EDA: variants seen among roughly 807,000 people sequenced by gnomAD.
EDA encodes ectodysplasin A.
EDA carries 2 observed loss-of-function variants against 23.6 expected under a neutral mutation model. The observed-to-expected ratio is 0.08, with a 90% CI of 0.03 to 0.27. The LOEUF (loss-of-function observed/expected upper bound fraction) is 0.27, where lower values mean the gene tolerates loss of function less well. Among genes scored for constraint, EDA ranks in the 10% least tolerant of loss-of-function variants. The pLI is 1.00. For missense variants in EDA, 229 were observed against 324.2 expected (o/e 0.71, Z 2.26); for synonymous variants, 131 against 132.0 (o/e 0.99, Z 0.05).
chrX:69,932,948 T>C (rs2018620043), intron 1 of EDA, among the ~76,000 whole-genome samples: 1 of 111,190 alleles, frequency 9.0e-6, no homozygotes, highest in African/African-American at 3.3e-5. Flanking sequence ...TCTTTTTTTT[T>C]TTGAGGAATA....
intron 2 of EDA, among the ~76,000 whole-genome samples, chrX:69,967,419 G>T (rs911852995): frequency 5.3e-4 from 59 of 111,542 alleles, no homozygotes; most frequent in Admixed American, 9.6e-4. Context: ...TAATGATCGG[G>T]GAAGAAGATG....
intron 1 of EDA, among the ~76,000 whole-genome samples, chrX:69,762,129 T>G: frequency 8.9e-6 from 1 of 111,753 alleles, no homozygotes; most frequent in East Asian, 2.8e-4. Flanking sequence ...TGGCCAATAC[T>G]TTTTAAAAAT....
intron 1 of EDA, among the ~76,000 whole-genome samples, chrX:69,753,847 T>G: frequency 9.0e-6 from 1 of 111,314 alleles, no homozygotes; most frequent in Non-Finnish European, 1.9e-5. Flanking sequence ...TTTGTCTTTT[T>G]TCATCTTTGT....
At chrX:69,851,911 T>G (rs2017144480) in intron 1 of EDA, among the ~76,000 whole-genome samples, 1 of 111,909 alleles carries the variant, frequency 8.9e-6, no homozygotes, top group South Asian at 3.7e-4. Flanking sequence ...GAAGTCAAGA[T>G]GATTCTGATG....
At chrX:69,786,257 A>C (rs1047140193) in intron 1 of EDA, among the ~76,000 whole-genome samples, 4 of 111,063 alleles carry the variant, frequency 3.6e-5, no homozygotes, top group Non-Finnish European at 7.6e-5. Context: ...GGATTCATTA[A>C]GTTTTTGAAG....
intron 1 of EDA, among the ~76,000 whole-genome samples, chrX:69,790,384 ATG>A (rs2015369544): frequency 9.1e-6 from 1 of 109,922 alleles, no homozygotes; most frequent in Non-Finnish European, 1.9e-5. Context: ...AAGAGAAAGA[ATG>A]TGTTCAGATA....
At chrX:69,814,319 T>A (rs1454231790) in intron 1 of EDA, among the ~76,000 whole-genome samples, 1 of 112,792 alleles carries the variant, frequency 8.9e-6, no homozygotes, top group Non-Finnish European at 1.9e-5. Context: ...CAGGGACTAT[T>A]TCCATTTAAA....
intron 1 of EDA, among the ~76,000 whole-genome samples, chrX:69,789,551 C>G (rs142101061): frequency 8.9e-6 from 1 of 111,936 alleles, no homozygotes; most frequent in Admixed American, 9.5e-5. Flanking sequence ...AAACCTTTGT[C>G]AAAGCAATTT....
intron 2 of EDA, among the ~76,000 whole-genome samples, chrX:69,962,400 A>G (rs758175999): frequency 8.9e-6 from 1 of 112,257 alleles, no homozygotes; most frequent in Non-Finnish European, 1.9e-5. Context: ...TGTGTTTATC[A>G]AAAGTGTTAA....
intron 1 of EDA, among the ~76,000 whole-genome samples, chrX:69,664,557 T>G (rs1203022255): frequency 4.5e-5 from 5 of 112,288 alleles, no homozygotes; most frequent in African/African-American, 6.5e-5. Flanking sequence ...TCATGCAATA[T>G]TTTTCTTTCT....
At chrX:69,679,391 G>A (rs979532459) in intron 1 of EDA, among the ~76,000 whole-genome samples, 2 of 110,792 alleles carry the variant, frequency 1.8e-5, no homozygotes, top group Non-Finnish European at 3.8e-5. Context: ...AGTTTCAGAA[G>A]GAATGGTACG....
chrX:69,955,938 C>A (rs187491257), intron 1 of EDA, among the ~76,000 whole-genome samples: 1 of 112,072 alleles, frequency 8.9e-6, no homozygotes, highest in East Asian at 2.8e-4. Context: ...TGATTCAATT[C>A]AGCAAATATA....
At chrX:69,807,219 C>T (rs1325475834) in intron 1 of EDA, among the ~76,000 whole-genome samples, 1 of 108,439 alleles carries the variant, frequency 9.2e-6, no homozygotes, top group East Asian at 2.9e-4. Context: ...TAAGAGGATT[C>T]AATTCACTAA....
In EDA at chrX:69,849,082, TACACACACACACACACAC is replaced by T. The variant is rs370800783; in HGVS notation, c.397-107911_397-107894del. Reference sequence around the variant, plus strand: ...TAATATAATGCACACAAAGTCTATATACACACACACACACACACACACACACACACACACACACACACA... The same window carrying T: ...TAATATAATGCACACAAAGTCTATATACACACACACACACACACACACACA... On this transcript the variant is annotated intron_variant, in intron 1 of 7. Coordinates refer to ENST00000374552, the MANE Select transcript of EDA (RefSeq NM_001399.5). 4.4e-4 allele frequency among the ~76,000 whole-genome samples: 25 copies of T among 57,030 alleles called. No individual in the cohort carries two copies. The South Asian group carries it at 4.4e-3, about 10-fold the overall frequency. The allele number at this position is 57,030 out of a possible 115,157, so 49.5% of individuals were successfully genotyped here. A position where few individuals can be genotyped will look rare whatever the true frequency, so the allele number is the denominator to read the frequency against.
chrX:69,977,863 C>A (rs2019339265), intron 2 of EDA, among the ~76,000 whole-genome samples: 1 of 111,629 alleles, frequency 9.0e-6, no homozygotes, highest in Non-Finnish European at 1.9e-5. Flanking sequence ...GTTTTTTGGG[C>A]AGAGGAAGGA....
chrX:69,642,975 T>C (rs1409043585), intron 1 of EDA, among the ~76,000 whole-genome samples: 2 of 111,610 alleles, frequency 1.8e-5, no homozygotes, highest in African/African-American at 3.3e-5. Context: ...GAAGATACTC[T>C]AAATAAATGT....
chrX:69,723,771 T>C (rs1274985422), intron 1 of EDA, among the ~76,000 whole-genome samples: 1 of 111,895 alleles, frequency 8.9e-6, no homozygotes, highest in African/African-American at 3.3e-5. Flanking sequence ...TCTGCTGTAG[T>C]TTGGTTACTT....
At chrX:69,880,930 G>T (rs913771070) in intron 1 of EDA, among the ~76,000 whole-genome samples, 2 of 111,962 alleles carry the variant, frequency 1.8e-5, no homozygotes, top group Non-Finnish European at 3.8e-5. Flanking sequence ...TTACCTAGTG[G>T]TTAAAGCCCC....
chrX:69,727,501 A>G (rs747242311), intron 1 of EDA, among the ~76,000 whole-genome samples: 1 of 112,148 alleles, frequency 8.9e-6, no homozygotes, highest in South Asian at 3.8e-4. Context: ...CAGAAGGGAG[A>G]ATGGAAATCT....
Sources: allele counts gnomAD v4.1 joint callset (sites outside exome capture counted in the v4.1 genomes callset), GRCh38; gene constraint gnomAD v4.1.1; transcripts MANE v1.5; gene names NCBI Gene and HGNC (gene_info 2026-07-23, HGNC 2026-07-21).